Variants in CTNNA3 observed in about 807,000 individuals in gnomAD.
CTNNA3 encodes catenin alpha 3.
A neutral mutation model predicts 95.7 loss-of-function variants in CTNNA3; 76 were observed. The ratio of observed to expected loss-of-function variants is 0.79; its 90% CI spans 0.66 to 0.96. The LOEUF is 0.96. Ranked by LOEUF, CTNNA3 falls within the 40% of genes least tolerant of loss-of-function variation. The pLI, the probability that CTNNA3 is intolerant of heterozygous loss-of-function variation, is 0.00. For missense variants in CTNNA3, 1,191 were observed against 1,089.8 expected (o/e 1.09, Z -1.31); for synonymous variants, 431 against 374.4 (o/e 1.15, Z -1.74).
intron 13 of CTNNA3, among the ~76,000 whole-genome samples, chr10:66,165,691 T>C (rs1371085559): frequency 6.6e-6 from 1 of 152,046 alleles, no homozygotes; most frequent in Non-Finnish European, 1.5e-5. Context: ...GAAGTATTAT[T>C]ACCATCTTAT....
chr10:66,819,095 A>AT (rs1842204669), intron 7 of CTNNA3, among the ~76,000 whole-genome samples: 1 of 149,760 alleles, frequency 6.7e-6, no homozygotes, highest in Admixed American at 6.7e-5. Flanking sequence ...CTTGTCTTAA[A>AT]AAAAAAAAAA....
intron 3 of CTNNA3, among the ~76,000 whole-genome samples, chr10:67,555,379 T>C (rs530411728): frequency 3.9e-5 from 6 of 152,158 alleles, no homozygotes; most frequent in Middle Eastern, 6.3e-3. Flanking sequence ...ATTCTTCCTA[T>C]CCATGAGCAT....
At chr10:66,709,363 G>T (rs970491572) in intron 9 of CTNNA3, among the ~76,000 whole-genome samples, 2 of 151,990 alleles carry the variant, frequency 1.3e-5, no homozygotes, top group African/African-American at 4.8e-5. Flanking sequence ...TGATTCAGTA[G>T]CAACTTGCAT....
At chr10:66,023,165 C>T (rs748106321) in intron 15 of CTNNA3, among the ~76,000 whole-genome samples, 3 of 152,072 alleles carry the variant, frequency 2.0e-5, no homozygotes, top group Non-Finnish European at 4.4e-5. Context: ...TTTTAGAAAG[C>T]CTTTCACTAC....
intron 9 of CTNNA3, among the ~76,000 whole-genome samples, chr10:66,625,527 T>C (rs1253439639): frequency 6.6e-6 from 1 of 152,110 alleles, no homozygotes; most frequent in Non-Finnish European, 1.5e-5. Context: ...TAGCTGGGAC[T>C]ACAGGTGCGC....
At chr10:67,388,883 C>T (rs1248025374) in intron 5 of CTNNA3, among the ~76,000 whole-genome samples, 2 of 152,150 alleles carry the variant, frequency 1.3e-5, no homozygotes, top group Non-Finnish European at 2.9e-5. Context: ...CACCACCAGG[C>T]CGGCCTTACA....
intron 10 of CTNNA3, among the ~76,000 whole-genome samples, chr10:66,619,064 G>A (rs1392111891): frequency 6.6e-6 from 1 of 151,908 alleles, no homozygotes; most frequent in Non-Finnish European, 1.5e-5. Context: ...GGAAACAACA[G>A]GTGCTGGAGA....
At chr10:66,805,411 T>C (rs1223029299) in intron 7 of CTNNA3, among the ~76,000 whole-genome samples, 1 of 151,330 alleles carries the variant, frequency 6.6e-6, no homozygotes, top group Non-Finnish European at 1.5e-5. Context: ...AAAAATCTCA[T>C]TTGTTTGAAG....
chr10:67,380,512 G>A (rs1281030829), intron 5 of CTNNA3, among the ~76,000 whole-genome samples: 1 of 152,148 alleles, frequency 6.6e-6, no homozygotes, highest in Non-Finnish European at 1.5e-5. Context: ...AATATCATAG[G>A]TAATAGGGAG....
chr10:66,039,853 T>C (rs2079647656), intron 15 of CTNNA3, among the ~76,000 whole-genome samples: 1 of 152,052 alleles, frequency 6.6e-6, no homozygotes, highest in South Asian at 2.1e-4. Context: ...TCAAAAGCAA[T>C]TGCGACAAAA....
chr10:67,356,817 C>T (rs745857654), intron 5 of CTNNA3, among the ~76,000 whole-genome samples: 35 of 152,038 alleles, frequency 2.3e-4, no homozygotes, highest in Non-Finnish European at 4.3e-4. Flanking sequence ...TTTAATCAAC[C>T]TGGTAAAACT....
intron 9 of CTNNA3, among the ~76,000 whole-genome samples, chr10:66,664,876 C>A: frequency 1.6e-5 from 2 of 125,228 alleles, no homozygotes. Flanking sequence ...GAATATGAGT[C>A]AGCTGAAAAA....
chr10:67,380,357 T>C (rs1358121619), intron 5 of CTNNA3, among the ~76,000 whole-genome samples: 1 of 152,172 alleles, frequency 6.6e-6, no homozygotes, highest in Non-Finnish European at 1.5e-5. Flanking sequence ...AAGTAAAACC[T>C]TTTCATGAAA....
At chr10:66,617,234 G>A (rs1165851378) in intron 10 of CTNNA3, among the ~76,000 whole-genome samples, 8 of 151,914 alleles carry the variant, frequency 5.3e-5, no homozygotes, top group Admixed American at 5.3e-4. Flanking sequence ...AGTCACAGCT[G>A]GAGGAGTGAT....
chr10:67,233,809 A>C (rs1170392651), intron 5 of CTNNA3, among the ~76,000 whole-genome samples: 1 of 152,152 alleles, frequency 6.6e-6, no homozygotes, highest in Non-Finnish European at 1.5e-5. Flanking sequence ...AATAGATGCA[A>C]TAAAAAATGA....
At chr10:66,277,193 C>A (rs147181073) in intron 13 of CTNNA3, among the ~76,000 whole-genome samples, 1 of 151,958 alleles carries the variant, frequency 6.6e-6, no homozygotes, top group Non-Finnish European at 1.5e-5. Context: ...TTGATCAAAA[C>A]AAATAGTAAA....
chr10:66,120,184 T>C (rs1357478327), intron 13 of CTNNA3, among the ~76,000 whole-genome samples: 1 of 152,162 alleles, frequency 6.6e-6, no homozygotes. Context: ...ATAATTAATT[T>C]TAAATTATGA....
At chr10:67,344,694 C>A (rs1418369750) in intron 5 of CTNNA3, among the ~76,000 whole-genome samples, 1 of 151,876 alleles carries the variant, frequency 6.6e-6, no homozygotes, top group Non-Finnish European at 1.5e-5. Context: ...AGTTGTATGT[C>A]CCCCTTTTTC....
At chr10:66,957,246 G>A (rs1442351537) in intron 7 of CTNNA3, among the ~76,000 whole-genome samples, 1 of 151,858 alleles carries the variant, frequency 6.6e-6, no homozygotes, top group Non-Finnish European at 1.5e-5. Flanking sequence ...GAAGTGAGAT[G>A]TAATCTTTTA....
Sources: allele counts gnomAD v4.1 joint callset (sites outside exome capture counted in the v4.1 genomes callset), GRCh38; gene constraint gnomAD v4.1.1; transcripts MANE v1.5; gene names NCBI Gene and HGNC (gene_info 2026-07-23, HGNC 2026-07-21).